The following PCDHGB3 variants were observed in gnomAD, a reference collection of about 807,000 sequenced individuals.
PCDHGB3 encodes the protein protocadherin gamma subfamily B, 3, also known as protocadherin gamma-B3.
Under a neutral mutation model 59.2 loss-of-function variants are expected in PCDHGB3, and 40 were observed. The observed-to-expected ratio is 0.68, with a 90% CI of 0.52 to 0.88. The LOEUF is 0.88. PCDHGB3 is among the 40% of genes least tolerant of loss of function. The pLI is 0.00. For missense variants in PCDHGB3, 1,309 were observed against 1,187.9 expected, an observed-to-expected ratio of 1.10 and a Z score of -1.50; for synonymous variants, 581 against 503.6, an observed-to-expected ratio of 1.15 and a Z score of -2.06.
chr5:141,432,763 C>T lies in PCDHGB3; in HGVS notation c.2415+59954C>T. The T allele has an allele frequency of 6.2e-7, 1 of 1,614,152 alleles. No homozygotes were observed. The highest frequency in any genetic ancestry group is 8.5e-7 in the Non-Finnish European group (1 of 1,180,004). ...TCACCGTGGCCGTGGCCGACAGCAT[C>T]CCCCAAGTCCTGGCGGACCTCGGCA... On this transcript the variant is annotated intron_variant, in intron 1 of 3. Transcript: ENST00000576222. This position sits in a 1 kb window ranked among gnomAD's most constrained non-coding sequence, Gnocchi z 6.0.
intron 1 of PCDHGB3, among the ~76,000 whole-genome samples, chr5:141,437,721 A>G (rs2097904045): frequency 6.6e-6 from 1 of 151,664 alleles, no homozygotes; most frequent in African/African-American, 2.4e-5. Flanking sequence ...TTACCCTCTA[A>G]TGTTACACTT....
chr5:141,424,393 A>G (rs1241872928), intron 1 of PCDHGB3: 1 of 152,120 alleles, frequency 6.6e-6, no homozygotes, highest in Non-Finnish European at 1.5e-5. Flanking sequence ...TGTCTTTTCC[A>G]TTACTATGGT....
At chr5:141,419,533 C>T in intron 1 of PCDHGB3, 1 of 1,612,106 alleles carries the variant, frequency 6.2e-7, no homozygotes, top group Non-Finnish European at 8.5e-7. Context: ...GTAACGACAA[C>T]GCACCGCGGG....
In PCDHGB3 at chr5:141,372,494, A is replaced by C; in HGVS notation, c.2100A>C (p.Ser700=). 1.2e-6 allele frequency: 2 copies of C among 1,613,974 alleles called. No homozygotes were observed. The highest frequency in any genetic ancestry group is 1.6e-4 in the Middle Eastern group (1 of 6,062). Residue 700 remains serine, a synonymous_variant, in exon 1 of 4, where the codon TCA becomes TCC. Transcript: ENST00000576222. ...FHLVVALALI[S]VLFLLAVILA... The stretch of plus-strand genomic sequence containing the variant: ...TAGTAGTGGCGTTGGCCTTGATCTC[A>C]GTGCTCTTCCTCCTCGCGGTGATTC...
At position 141,487,398 on chromosome 5, in the gene PCDHGB3, G is replaced by A. The variant is rs1342197934; in HGVS notation, c.2416-7409G>A. 1.9e-6 allele frequency: 3 copies of A among 1,613,926 alleles called. No individual in the cohort carries two copies. The African/African-American group carries it at 4.0e-5, about 22-fold the overall frequency. ...CTCACCAGATCTCGAAGGAGGGAGGGGCTTCCCCCTTCCAATGGGATCCTC... is the reference window on the plus strand; with the variant it reads ...CTCACCAGATCTCGAAGGAGGGAGGAGCTTCCCCCTTCCAATGGGATCCTC... On this transcript the variant is annotated intron_variant, in intron 1 of 3. Transcript: ENST00000576222. The surrounding 1 kb of genome is among the most constrained non-coding windows in gnomAD (Gnocchi z 5.0).
chr5:141,483,620 A>G (rs192148102), intron 1 of PCDHGB3, among the ~76,000 whole-genome samples: 472 of 151,650 alleles, frequency 3.1e-3, no homozygotes, highest in Non-Finnish European at 5.0e-3. Context: ...CATCATTCCC[A>G]TGGGAGAAGG....
At chr5:141,453,287 A>ATTT (rs2098760771) in intron 1 of PCDHGB3, among the ~76,000 whole-genome samples, 3 of 151,368 alleles carry the variant, frequency 2.0e-5, no homozygotes, top group African/African-American at 7.3e-5. Flanking sequence ...CTAATTTTTT[A>ATTT]ATTATTTATT....
intron 1 of PCDHGB3, chr5:141,409,953 C>T: frequency 6.2e-7 from 1 of 1,613,398 alleles, no homozygotes; most frequent in Non-Finnish European, 8.5e-7. Context: ...TCTGCAGAGC[C>T]CGGCTACCTA....
intron 1 of PCDHGB3, chr5:141,392,999 C>A: frequency 6.2e-7 from 1 of 1,613,858 alleles, no homozygotes; most frequent in Non-Finnish European, 8.5e-7. Context: ...TGGCGAAGCA[C>A]GGAGTCCGTA....
chr5:141,511,400 T>A lies in PCDHGB3; in HGVS notation c.*227T>A, dbSNP rs1208021848. On this transcript the variant is annotated 3_prime_UTR_variant, in exon 4 of 4. Coordinates refer to ENST00000576222, the MANE Select transcript of PCDHGB3 (RefSeq NM_018924.5). ...AGTTCCGCTGGGAACCCCCATCCAA[T>A]CAACTGCTGTACCCATGGGGGTAGT... 1.1e-5 allele frequency: 11 copies of A among 982,132 alleles called. No individual in the cohort carries two copies. Among genetic ancestry groups the A allele is most frequent in the African/African-American group, 3.3e-5 (2 of 60,924 alleles). 60.8% of individuals were successfully genotyped at this position (982,132 alleles called of 1,614,324 possible).
At chr5:141,373,775 C>A in intron 1 of PCDHGB3, 1 of 265,272 alleles carries the variant, frequency 3.8e-6, no homozygotes, top group Non-Finnish European at 7.0e-6. Flanking sequence ...GTCATCTCTG[C>A]AGATTTAGCA....
At chr5:141,389,743 G>T in intron 1 of PCDHGB3, 8 of 1,612,624 alleles carry the variant, frequency 5.0e-6, no homozygotes, top group Non-Finnish European at 6.8e-6. Flanking sequence ...CTGGGGCTGC[G>T]CACGGGCGAA....
At chr5:141,463,738 G>A (rs1002263384) in intron 1 of PCDHGB3, among the ~76,000 whole-genome samples, 4 of 151,978 alleles carry the variant, frequency 2.6e-5, no homozygotes, top group Admixed American at 2.6e-4. Flanking sequence ...GAGCCACCGC[G>A]CCCGGCCTGC....
At chr5:141,492,218 T>C (rs2099738354) in intron 1 of PCDHGB3, among the ~76,000 whole-genome samples, 1 of 152,114 alleles carries the variant, frequency 6.6e-6, no homozygotes. Flanking sequence ...GCGGGGCTCA[T>C]GCGTGTCCTC....
In PCDHGB3 at chr5:141,476,132, T is replaced by C. The variant is rs751708569; in HGVS notation, c.2416-18675T>C. 2 of 1,607,820 alleles carry C rather than the reference T, an allele frequency of 1.2e-6. No homozygotes were observed. The highest frequency in any genetic ancestry group is 1.1e-5 in the South Asian group (1 of 90,582). On this transcript the variant is annotated intron_variant, in intron 1 of 3. Coordinates refer to ENST00000576222, the MANE Select transcript of PCDHGB3 (RefSeq NM_018924.5). The surrounding 1 kb of genome is among the most constrained non-coding windows in gnomAD (Gnocchi z 7.6). ...TTTGAGTGAGATGGTCCCAGAGGCC[T>C]GGAGGAGCGGACTGGTAAGCACCGG...
intron 3 of PCDHGB3, among the ~76,000 whole-genome samples, chr5:141,510,204 C>T (rs1403130911): frequency 1.3e-5 from 2 of 150,304 alleles, no homozygotes; most frequent in Admixed American, 1.3e-4. Flanking sequence ...GCCCAGGAGG[C>T]AGAGGTTGCA....
chr5:141,383,553 C>T (rs765903383), intron 1 of PCDHGB3: 3 of 1,612,130 alleles, frequency 1.9e-6, no homozygotes, highest in South Asian at 2.2e-5. Flanking sequence ...CTGATGGCGG[C>T]GACCCGCCCC....
intron 2 of PCDHGB3, among the ~76,000 whole-genome samples, chr5:141,497,962 G>A (rs2099780751): frequency 6.6e-6 from 1 of 152,236 alleles, no homozygotes; most frequent in African/African-American, 2.4e-5. Context: ...TGGCCAGGCA[G>A]TGTTCTCGAT....
rs376661062 is a variant in PCDHGB3, at chr5:141,432,185, G to T, written c.2415+59376G>T. 6.2e-6 allele frequency: 10 copies of T among 1,613,956 alleles called. No individual in the cohort carries two copies. The highest frequency in any genetic ancestry group is 8.5e-6 in the Non-Finnish European group (10 of 1,180,030). ...AGGAGTTTCCCTCGTCTCTGTGACC[G>T]CCCACGACCCCGACTGTGAAGAGAA... On this transcript the variant is annotated intron_variant, in intron 1 of 3. Coordinates refer to ENST00000576222, the MANE Select transcript of PCDHGB3 (RefSeq NM_018924.5). The surrounding 1 kb of genome is among the most constrained non-coding windows in gnomAD (Gnocchi z 6.0).
Sources: allele counts gnomAD v4.1 joint callset (sites outside exome capture counted in the v4.1 genomes callset), GRCh38; gene constraint gnomAD v4.1.1; non-coding constraint Gnocchi (gnomAD v3.1); transcripts MANE v1.5; gene names NCBI Gene and HGNC (gene_info 2026-07-23, HGNC 2026-07-21).